The following PCDHA10 variants were observed in gnomAD, a reference collection of about 807,000 sequenced individuals.
PCDHA10 encodes the protein protocadherin alpha 10.
In PCDHA10, 45 loss-of-function variants were observed where a neutral mutation model predicts 61.2. The observed-to-expected ratio is 0.74, with a 90% confidence interval of 0.58 to 0.94. PCDHA10 has a LOEUF of 0.94. PCDHA10 is among the 40% of genes least tolerant of loss of function. PCDHA10 has a pLI of 0.00. For missense variants in PCDHA10, 1,278 were observed against 1,236.2 expected (o/e 1.03, Z -0.51); for synonymous variants, 602 against 548.8 (o/e 1.10, Z -1.35).
At chr5:140,861,150 G>T (rs2046778141) in intron 1 of PCDHA10, 1 of 154,448 alleles carries the variant, frequency 6.5e-6, no homozygotes, top group Non-Finnish European at 1.4e-5. Flanking sequence ...TCAGGAACAA[G>T]GACCAAAAGG....
In PCDHA10 at chr5:140,857,920, G is replaced by T. The variant is rs2045011675; in HGVS notation, c.1872G>T (p.Gly624=). ...AVGARIPFRV[G]LYTGEISTTR... ...GTGCACGCATCCCGTTTCGCGTGGG[G>T]CTGTACACGGGCGAGATCAGTACGA... The change falls in exon 1 of 4, where the codon GGG becomes GGT. Residue 624 remains glycine (G), a synonymous_variant. Transcript: ENST00000307360. 2 of 1,597,702 alleles carry T rather than the reference G, an allele frequency of 1.3e-6. No homozygotes were observed. Among genetic ancestry groups the T allele is most frequent in the East Asian group, 2.2e-5 (1 of 44,836 alleles).
chr5:140,969,168 C>T (rs1554231530), intron 1 of PCDHA10: 2 of 1,614,088 alleles, frequency 1.2e-6, no homozygotes, highest in Non-Finnish European at 1.7e-6. Flanking sequence ...ACAGCAGGCT[C>T]AGGGAGTGAC....
chr5:140,874,673 TG>T (rs1192690253), intron 1 of PCDHA10, among the ~76,000 whole-genome samples: 4 of 152,260 alleles, frequency 2.6e-5, no homozygotes, highest in African/African-American at 9.6e-5. Context: ...AATCTATTCC[TG>T]AGATTTGTTT....
intron 1 of PCDHA10, among the ~76,000 whole-genome samples, chr5:140,939,868 T>C (rs868982739): frequency 2.6e-5 from 4 of 152,340 alleles, no homozygotes; most frequent in Middle Eastern, 6.8e-3. Flanking sequence ...CATTAGGTCA[T>C]CTTTGCTAGT....
At chr5:140,953,554 A>C (rs1554220985) in intron 1 of PCDHA10, among the ~76,000 whole-genome samples, 2 of 152,044 alleles carry the variant, frequency 1.3e-5, no homozygotes, top group Non-Finnish European at 2.9e-5. Flanking sequence ...TCTTTTCTCC[A>C]AGTTTTAGTG....
In PCDHA10 at chr5:140,877,367, G is replaced by C. The variant is rs201967192; in HGVS notation, c.2388+18931G>C. On this transcript the variant is annotated intron_variant, in intron 1 of 3. Transcript: ENST00000307360. ...GTGGGGCTGTACACTGGCGAGATCA[G>C]CACGACACGCATCCTGGATGAGGCG... is the stretch of plus-strand genomic sequence containing the variant. 1.0e-4 allele frequency: 167 copies of C among 1,614,018 alleles called. No homozygotes were observed. The highest frequency in any genetic ancestry group is 4.9e-4 in the Middle Eastern group (3 of 6,062).
At chr5:140,943,386 A>G (rs1245126281) in intron 1 of PCDHA10, among the ~76,000 whole-genome samples, 2 of 152,154 alleles carry the variant, frequency 1.3e-5, no homozygotes, top group African/African-American at 4.8e-5. Flanking sequence ...CAGGTAAGAA[A>G]TTATGGATAT....
rs1554181482 is a variant in PCDHA10, at chr5:140,884,371, C to G, written c.2388+25935C>G. The stretch of plus-strand genomic sequence containing the variant: ...TGGTGGATGTCAATGTTTACTTGAT[C>G]ATTGCCATCTGCGCGGTGTCCAGCC... On this transcript the variant is annotated intron_variant, in intron 1 of 3. Coordinates refer to ENST00000307360, the MANE Select transcript of PCDHA10 (RefSeq NM_018901.4). 2 of 1,613,948 alleles carry G rather than the reference C, an allele frequency of 1.2e-6. No homozygotes were observed. Among genetic ancestry groups the G allele is most frequent in the African/African-American group, 2.7e-5 (2 of 75,052 alleles).
intron 1 of PCDHA10, among the ~76,000 whole-genome samples, chr5:140,922,177 A>C (rs1194396252): frequency 2.9e-5 from 2 of 69,034 alleles, no homozygotes; most frequent in African/African-American, 9.2e-5. Context: ...TACAGCAGAC[A>C]AAAAAAAAGT....
rs1554150162 is a variant in PCDHA10 at position 140,857,521 on chromosome 5, C to T, written c.1473C>T (p.Tyr491=). 5 of 1,598,106 alleles carry T rather than the reference C, an allele frequency of 3.1e-6. 1 individual carries two copies. In the South Asian group the frequency reaches 4.4e-5, roughly 14 times the overall value. Residue 491 remains tyrosine (Y), a synonymous_variant, in exon 1 of 4, where the codon TAC becomes TAT. Coordinates refer to ENST00000307360, the MANE Select transcript of PCDHA10 (RefSeq NM_018901.4). ...ADAQENALVS[Y]SLVERRLGER... Reference sequence around the variant, plus strand: ...CGCAGGAGAACGCCCTGGTGTCCTACTCTCTGGTGGAGCGGCGGTTGGGCG... The same window carrying T: ...CGCAGGAGAACGCCCTGGTGTCCTATTCTCTGGTGGAGCGGCGGTTGGGCG...
intron 1 of PCDHA10, chr5:140,871,248 G>C (rs782440984): frequency 7.2e-5 from 117 of 1,613,852 alleles, no homozygotes; most frequent in Non-Finnish European, 9.5e-5. Context: ...TCACGCTGCT[G>C]CTGTATACGG....
chr5:140,916,276 C>T (rs1012702427), intron 1 of PCDHA10, among the ~76,000 whole-genome samples: 4 of 152,192 alleles, frequency 2.6e-5, no homozygotes, highest in African/African-American at 7.2e-5. Flanking sequence ...GCTTGTTGCT[C>T]TACTCCACGT....
intron 1 of PCDHA10, among the ~76,000 whole-genome samples, chr5:140,931,298 AAG>A (rs2087432571): frequency 6.6e-6 from 1 of 152,144 alleles, no homozygotes; most frequent in African/African-American, 2.4e-5. Context: ...CTGTAACAAA[AAG>A]AGAGGAGAAT....
intron 1 of PCDHA10, among the ~76,000 whole-genome samples, chr5:140,976,317 G>A (rs1284415282): frequency 6.6e-6 from 1 of 152,212 alleles, no homozygotes; most frequent in Admixed American, 6.5e-5. Context: ...TTGGGAGGCC[G>A]AGGAGGGTGG....
intron 1 of PCDHA10, chr5:140,867,918 T>C (rs1236326427): frequency 6.6e-6 from 1 of 152,144 alleles, no homozygotes; most frequent in Non-Finnish European, 1.5e-5. Context: ...TAATTAAAAA[T>C]CACTTCCCTT....
In PCDHA10 at chr5:140,997,052, G is replaced by A. The variant is rs1410360967; in HGVS notation, c.2537-12575G>A. On this transcript the variant is annotated intron_variant, in intron 3 of 3. Transcript: ENST00000307360. ...AAATTAATGAACTTTACTTTTTAGAGCAGTTTTAGGTTCACAGGAAAGTTG... is the reference window on the plus strand; with the variant it reads ...AAATTAATGAACTTTACTTTTTAGAACAGTTTTAGGTTCACAGGAAAGTTG... Among the ~76,000 whole-genome samples, 5 of 152,148 alleles carry A rather than the reference G, an allele frequency of 3.3e-5. No homozygotes were observed. The East Asian group carries it at 9.6e-4, about 29-fold the overall frequency.
rs1277390291 is a variant in PCDHA10 at position 140,926,661 on chromosome 5, A to T, written c.2389-52288A>T. 7.5e-6 allele frequency: 4 copies of T among 536,378 alleles called. No homozygotes were observed. In the African/African-American group the frequency reaches 7.9e-5, roughly 11 times the overall value. The allele number at this position is 536,378 out of a possible 1,614,324, so 33.2% of individuals were successfully genotyped here. A position where few individuals can be genotyped will look rare whatever the true frequency, so the allele number is the denominator to read the frequency against. On this transcript the variant is annotated intron_variant, in intron 1 of 3. Coordinates refer to ENST00000307360, the MANE Select transcript of PCDHA10 (RefSeq NM_018901.4). ...AACACCCGGCCGGCTCCGCTTTCCC[A>T]GACGGCTGCCCAGCCTCCAGCCTAG...
intron 1 of PCDHA10, among the ~76,000 whole-genome samples, chr5:140,955,355 G>A (rs1406631698): frequency 1.3e-5 from 2 of 152,086 alleles, no homozygotes; most frequent in African/African-American, 4.8e-5. Flanking sequence ...GTTGTGAGAG[G>A]GACCCAGTGG....
At position 140,871,554 on chromosome 5, in the gene PCDHA10, T is replaced by G. The variant is rs1554165730; in HGVS notation, c.2388+13118T>G. On this transcript the variant is annotated intron_variant, in intron 1 of 3. Transcript: ENST00000307360. The stretch of plus-strand genomic sequence containing the variant: ...GTATGTGAAATTATTTAAAATCCAG[T>G]TTTTTTTCACGGATTTTTTAAGGGA... 18 of 1,487,284 alleles carry G rather than the reference T, an allele frequency of 1.2e-5. 1 individual carries two copies. The highest frequency in any genetic ancestry group is 1.8e-4 in the Middle Eastern group (1 of 5,534). The allele number at this position is 1,487,284 out of a possible 1,614,324, so 92.1% of individuals were successfully genotyped here.
Sources: allele counts gnomAD v4.1 joint callset (sites outside exome capture counted in the v4.1 genomes callset), GRCh38; gene constraint gnomAD v4.1.1; transcripts MANE v1.5; gene names NCBI Gene and HGNC (gene_info 2026-07-23, HGNC 2026-07-21).